SLC16A12: variants seen among roughly 807,000 people sequenced by gnomAD.
SLC16A12 encodes the protein monocarboxylate transporter 12.
A neutral mutation model predicts 42.4 loss-of-function variants in SLC16A12; 17 were observed. The ratio of observed to expected loss-of-function variants is 0.40; its 90% confidence interval spans 0.27 to 0.60. SLC16A12 has a LOEUF of 0.60. Ranked by LOEUF, SLC16A12 falls within the 20% of genes least tolerant of loss-of-function variation. SLC16A12 has a pLI of 0.42. For synonymous variants in SLC16A12, 224 were observed against 229.4 expected (o/e 0.98, Z 0.21); for missense variants, 544 against 623.0 (o/e 0.87, Z 1.35).
intron 2 of SLC16A12, among the ~76,000 whole-genome samples, chr10:89,463,691 A>T (rs1285103067): frequency 6.6e-6 from 1 of 152,258 alleles, no homozygotes; most frequent in Non-Finnish European, 1.5e-5. Flanking sequence ...CCAAAAGGTA[A>T]GCCACAGGCT....
chr10:89,458,528 A>G (rs1469332654), intron 3 of SLC16A12, among the ~76,000 whole-genome samples: 1 of 152,208 alleles, frequency 6.6e-6, no homozygotes, highest in Non-Finnish European at 1.5e-5. Context: ...AATTAAGGAA[A>G]TGACTCAAGT....
At chr10:89,472,324 T>C (rs1241939858) in intron 2 of SLC16A12, among the ~76,000 whole-genome samples, 4 of 151,358 alleles carry the variant, frequency 2.6e-5, no homozygotes, top group Non-Finnish European at 5.9e-5. Context: ...ATAAGAAAAA[T>C]TTACAAAGGC....
rs374499463 is a variant in SLC16A12, at chr10:89,443,886, T to C, written c.201-27A>G. The C allele has an allele frequency of 3.3e-5, 47 of 1,442,656 alleles. 2 individuals carry two copies. Among genetic ancestry groups the C allele is most frequent in the East Asian group, 1.1e-4 (5 of 44,088 alleles). 89.4% of individuals were successfully genotyped at this position (1,442,656 alleles called of 1,614,324 possible). A position where few individuals can be genotyped will look rare whatever the true frequency, so the allele number is the denominator to read the frequency against. On this transcript the variant is annotated intron_variant, in intron 3 of 7. Coordinates refer to ENST00000371790, the MANE Select transcript of SLC16A12 (RefSeq NM_213606.4). ...TGAAAAATACAATGCAGGCATTTTA[T>C]ACAAAAAATGAATGAGCATGCATTT...
intron 2 of SLC16A12, among the ~76,000 whole-genome samples, chr10:89,526,703 A>G (rs1843458892): frequency 6.6e-6 from 1 of 152,238 alleles, no homozygotes; most frequent in Non-Finnish European, 1.5e-5. Flanking sequence ...ACCTGCTCAG[A>G]TAGCAGAAGG....
chr10:89,516,667 T>C (rs937709450), intron 2 of SLC16A12, among the ~76,000 whole-genome samples: 1 of 152,242 alleles, frequency 6.6e-6, no homozygotes, highest in Non-Finnish European at 1.5e-5. Context: ...TGGACAGGAA[T>C]AGAGTGTCTG....
At chr10:89,524,361 G>C (rs1449537889) in intron 2 of SLC16A12, among the ~76,000 whole-genome samples, 6 of 152,102 alleles carry the variant, frequency 3.9e-5, no homozygotes, top group Non-Finnish European at 5.9e-5. Context: ...ACCAGACCCT[G>C]ATGCTCTCGC....
At chr10:89,459,121 A>G (rs1230905925) in intron 3 of SLC16A12, among the ~76,000 whole-genome samples, 4 of 152,206 alleles carry the variant, frequency 2.6e-5, no homozygotes, top group Non-Finnish European at 4.4e-5. Context: ...TTTTATGAGA[A>G]GAAAAGATAA....
chr10:89,508,710 C>G (rs1843111044), intron 2 of SLC16A12, among the ~76,000 whole-genome samples: 2 of 151,830 alleles, frequency 1.3e-5, no homozygotes, highest in South Asian at 2.1e-4. Flanking sequence ...TAGCAGAAGG[C>G]AAGAAATAAC....
intron 2 of SLC16A12, among the ~76,000 whole-genome samples, chr10:89,487,809 C>CA (rs71022569): frequency 0.29 from 24,683 of 84,012 alleles, 4,916 homozygotes; most frequent in African/African-American, 0.5. Flanking sequence ...GATTCTGTCT[C>CA]AAAAAAAAAA....
In SLC16A12 at chr10:89,432,956, T is replaced by A; in HGVS notation, c.*108A>T. ...ATGTTAACAAAACAATAATAATAATTTCCTTGGAAGGCAATCCTTCTGCCA... is the reference window on the plus strand; with the variant it reads ...ATGTTAACAAAACAATAATAATAATATCCTTGGAAGGCAATCCTTCTGCCA... On this transcript the variant is annotated 3_prime_UTR_variant, in exon 8 of 8. Transcript: ENST00000371790. 1.4e-6 allele frequency: 2 copies of A among 1,409,478 alleles called. No individual in the cohort carries two copies. The highest frequency in any genetic ancestry group is 2.6e-5 in the South Asian group (2 of 76,410). 87.3% of individuals were successfully genotyped at this position (1,409,478 alleles called of 1,614,324 possible). A position where few individuals can be genotyped will look rare whatever the true frequency, so the allele number is the denominator to read the frequency against.
intron 2 of SLC16A12, among the ~76,000 whole-genome samples, chr10:89,502,775 T>G (rs1370345134): frequency 6.6e-6 from 1 of 152,230 alleles, no homozygotes; most frequent in East Asian, 1.9e-4. Flanking sequence ...TGTCAGAGAT[T>G]GAAGCCAACA....
chr10:89,441,102 C>T lies in SLC16A12; in HGVS notation c.448+6G>A, dbSNP rs1248287476. On this transcript the variant is annotated splice_donor_region_variant and intron_variant, in intron 5 of 7. Coordinates refer to ENST00000371790, the MANE Select transcript of SLC16A12 (RefSeq NM_213606.4). ...GGGTGAGACAGGTGGTACAAAGTGC[C>T]CTTACCTGTAAGAACTCCCAGAGTG... is the stretch of plus-strand genomic sequence containing the variant. 1.2e-6 allele frequency: 2 copies of T among 1,613,750 alleles called. No individual in the cohort carries two copies. The highest frequency in any genetic ancestry group is 1.3e-5 in the African/African-American group (1 of 74,982).
chr10:89,510,783 A>G (rs186776732), intron 2 of SLC16A12, among the ~76,000 whole-genome samples: 2 of 152,228 alleles, frequency 1.3e-5, no homozygotes, highest in Admixed American at 6.5e-5. Flanking sequence ...CTATCAGCAG[A>G]GTGAACAGGC....
At chr10:89,527,813 AAGAGAG>A (rs551677855) in intron 2 of SLC16A12, among the ~76,000 whole-genome samples, 3 of 142,828 alleles carry the variant, frequency 2.1e-5, no homozygotes, top group African/African-American at 5.1e-5. Flanking sequence ...TAAAAAAAAA[AAGAGAG>A]AGAGAGAGAG....
intron 2 of SLC16A12, among the ~76,000 whole-genome samples, chr10:89,483,903 G>A (rs1842708952): frequency 6.6e-6 from 1 of 152,136 alleles, no homozygotes; most frequent in Admixed American, 6.5e-5. Context: ...TTATAATGCT[G>A]TGGTCAAGTG....
chr10:89,490,497 C>G (rs1036707665), intron 2 of SLC16A12, among the ~76,000 whole-genome samples: 1 of 152,102 alleles, frequency 6.6e-6, no homozygotes. Context: ...CAATACTTTG[C>G]TTTAATTACT....
upstream of SLC16A12, among the ~76,000 whole-genome samples, chr10:89,535,945 C>T (rs1843652833): frequency 6.6e-6 from 1 of 152,262 alleles, no homozygotes; most frequent in South Asian, 2.1e-4. Context: ...TCAGCCCCGC[C>T]AGCTCCGCCG....
chr10:89,509,943 G>A (rs927403383), intron 2 of SLC16A12, among the ~76,000 whole-genome samples: 38 of 151,746 alleles, frequency 2.5e-4, no homozygotes, highest in African/African-American at 5.8e-4. Flanking sequence ...CCTATACACC[G>A]ATAACAGACA....
chr10:89,462,367 A>G lies in SLC16A12; in HGVS notation c.200+12T>C. 1.9e-6 allele frequency: 3 copies of G among 1,613,972 alleles called. No individual in the cohort carries two copies. Among genetic ancestry groups the G allele is most frequent in the Non-Finnish European group, 2.5e-6 (3 of 1,179,918 alleles). On this transcript the variant is annotated intron_variant, in intron 3 of 7. Transcript: ENST00000371790. Reference sequence around the variant, plus strand: ...GGTCATCTTAATAAGTTAAGAAGAAAATCCTACCTACCTTGTGACTGCCCG... The same window carrying G: ...GGTCATCTTAATAAGTTAAGAAGAAGATCCTACCTACCTTGTGACTGCCCG...
Sources: allele counts gnomAD v4.1 joint callset (sites outside exome capture counted in the v4.1 genomes callset), GRCh38; gene constraint gnomAD v4.1.1; transcripts MANE v1.5; gene names NCBI Gene and HGNC (gene_info 2026-07-23, HGNC 2026-07-21).